Variants in TTN observed in about 807,000 individuals in gnomAD.
TTN encodes the protein titin.
TTN carries 1,525 observed loss-of-function variants against 3,223.0 expected under a neutral mutation model. The observed-to-expected ratio is 0.47, with a 90% CI of 0.45 to 0.49. The LOEUF (loss-of-function observed/expected upper bound fraction) is 0.49, where lower values mean the gene tolerates loss of function less well. Ranked by LOEUF, TTN falls within the 20% of genes least tolerant of loss-of-function variation. The probability of loss-of-function intolerance (pLI) is 0.00; values close to 1 mark genes in which losing one functional copy is unlikely to be tolerated. For synonymous variants in TTN, 14,094 were observed against 15,161.0 expected (o/e 0.93, Z 5.17); for missense variants, 40,786 against 43,424.0 (o/e 0.94, Z 5.40).
At position 178,568,410 on chromosome 2, in the gene TTN, T is replaced by C; in HGVS notation, c.77722A>G (p.Ile25908Val). Residue 25908 changes from isoleucine to valine, a missense_variant, in exon 326 of 363, where the codon ATT (isoleucine) becomes GTT (valine). Transcript: ENST00000589042. ...AATGGAGGGTTCCAAGATAATGTAA[T>C]ACTTTCAGCACTGACGTCATCAAAT... Reference protein sequence around the residue: ...VKFDDVSAESITLSWNPPLYT... With the variant: ...VKFDDVSAESVTLSWNPPLYT... The C allele has an allele frequency of 6.2e-7, 1 of 1,613,230 alleles. No individual in the cohort carries two copies. Among genetic ancestry groups the C allele is most frequent in the Middle Eastern group, 1.6e-4 (1 of 6,062 alleles).
At chr2:178,584,053 T>G in intron 311 of TTN, 147 bp from the exon 312 acceptor site, 1 of 1,074,724 alleles carries the variant, frequency 9.3e-7, no homozygotes, top group South Asian at 1.9e-5. Context: ...TAGTATGCAC[T>G]TTTGAGTCCT....
intron 288 of TTN, 69 bp from the exon 289 acceptor site, chr2:178,599,919 T>C: frequency 6.9e-7 from 1 of 1,440,844 alleles, no homozygotes; most frequent in Admixed American, 2.5e-5. Flanking sequence ...GAATTCACAG[T>C]TACTATAAAG....
Position 178,670,274 on chromosome 2 carries a change from A to G in TTN, c.35330T>C (p.Ile11777Thr), listed in dbSNP as rs1393138345. Reference protein sequence around the residue: ...PAKVPEVPKKIVVEEKVRVPE... With the variant: ...PAKVPEVPKKTVVEEKVRVPE... ...AACACGTACTTTTTCTTCTACCACAATTTTCTTAGGCACCTCCGGTACTTT... is the reference window on the plus strand; with the variant it reads ...AACACGTACTTTTTCTTCTACCACAGTTTTCTTAGGCACCTCCGGTACTTT... Residue 11777 changes from isoleucine to threonine, a missense_variant, in exon 157 of 363, where the codon ATT becomes ACT. Ile to Thr is a moderately conservative substitution (Grantham distance 89, BLOSUM62 -1). Coordinates refer to ENST00000589042, the MANE Select transcript of TTN (RefSeq NM_001267550.2). 1.2e-5 allele frequency: 18 copies of G among 1,490,970 alleles called. No individual in the cohort carries two copies. Among genetic ancestry groups the G allele is most frequent in the South Asian group, 1.5e-5 (1 of 64,798 alleles). The allele number at this position is 1,490,970 out of a possible 1,614,324, so 92.4% of individuals were successfully genotyped here.
Position 178,537,230 on chromosome 2 carries a change from T to C in TTN, c.99879A>G (p.Lys33293=), listed in dbSNP as rs769465083. 1 of 1,597,016 alleles carries C rather than the reference T, an allele frequency of 6.3e-7. No homozygotes were observed. The highest frequency in any genetic ancestry group is 8.6e-7 in the Non-Finnish European group (1 of 1,169,120). ...LDVEIQDKPD[K]PTGPIVIEAL... ...CTTCGATCACAATTGGTCCTGTAGG[T>C]TTGTCTGGTTTATCTGTTGGGGGAA... Residue 33293 remains lysine (K), a synonymous_variant, in exon 356 of 363, where the codon AAA becomes AAG. Coordinates refer to ENST00000589042, the MANE Select transcript of TTN (RefSeq NM_001267550.2).
At chr2:178,712,670 T>C in intron 94 of TTN, 27 bp downstream of exon 94, 1 of 1,608,330 alleles carries the variant, frequency 6.2e-7, no homozygotes, top group East Asian at 2.2e-5. Context: ...ACTAATCGTA[T>C]AAATCTAGAA....
In TTN at chr2:178,565,544, T is replaced by C. The variant is rs1340374023; in HGVS notation, c.80588A>G (p.Asp26863Gly). The C allele has an allele frequency of 1.2e-6, 2 of 1,613,466 alleles. No homozygotes were observed. The highest frequency in any genetic ancestry group is 2.7e-5 in the African/African-American group (2 of 74,896). Residue 26863 changes from aspartate (D) to glycine (G), a missense_variant, in exon 326 of 363, where the codon GAT (aspartate) becomes GGT (glycine). Transcript: ENST00000589042. ...VKAYNEKGKS[D>G]PRVLGVPVIA... The stretch of plus-strand genomic sequence containing the variant: ...GACAGGAACACCCAACACTCTTGGA[T>C]CGCTTTTTCCTTTCTCATTATAAGC...
chr2:178,580,273 A>G, intron 317 of TTN, 44 bp from the exon 318 acceptor site: 1 of 1,605,534 alleles, frequency 6.2e-7, no homozygotes. Flanking sequence ...TGTAAAAAAT[A>G]CATAAGCTAT....
rs780979988 is a variant in TTN at position 178,713,075 on chromosome 2, G to T, written c.27049+10C>A. On this transcript the variant is annotated intron_variant, in intron 93 of 362. Transcript: ENST00000589042. ...GAAATGCAATTCATTTTACTGTTTT[G>T]TAAACTGACCTCTCACAGTCAAAGG... The T allele has an allele frequency of 1.4e-5, 22 of 1,610,772 alleles. No homozygotes were observed. The Admixed American group carries it at 3.7e-4, about 27-fold the overall frequency.
chr2:178,738,940 T>G (rs2154317238), intron 48 of TTN, among the ~76,000 whole-genome samples: 1 of 152,278 alleles, frequency 6.6e-6, no homozygotes, highest in African/African-American at 2.4e-5. Context: ...AATAGTACCA[T>G]GGATATGATA....
intron 73 of TTN, 23 bp downstream of exon 73, chr2:178,723,833 T>C: frequency 1.9e-6 from 3 of 1,574,154 alleles, no homozygotes; most frequent in Non-Finnish European, 1.7e-6. Context: ...AGAAATTCCT[T>C]ACAAGTTTGA....
intron 20 of TTN, 80 bp from the exon 21 acceptor site, chr2:178,781,343 T>C (rs1400032676): frequency 2.0e-6 from 3 of 1,496,232 alleles, no homozygotes; most frequent in Non-Finnish European, 2.8e-6. Flanking sequence ...TATCTGTGAG[T>C]GGATCTGTGG....
rs2079466481 is a variant in TTN, at chr2:178,727,075, G to A, written c.20275+15C>T. On this transcript the variant is annotated intron_variant, in intron 69 of 362. Coordinates refer to ENST00000589042, the MANE Select transcript of TTN (RefSeq NM_001267550.2). ...GGTTTTCATTTAATGAGAAACACAA[G>A]AACAAGATGTCTACCTTTTACTATA... The A allele has an allele frequency of 1.4e-6, 2 of 1,449,188 alleles. No homozygotes were observed. The highest frequency in any genetic ancestry group is 1.8e-6 in the Non-Finnish European group (2 of 1,094,628). 89.8% of individuals were successfully genotyped at this position (1,449,188 alleles called of 1,614,324 possible).
At chr2:178,637,573 T>A (rs1170718299) in intron 223 of TTN, among the ~76,000 whole-genome samples, 154 bp from the exon 224 acceptor site, 1 of 152,016 alleles carries the variant, frequency 6.6e-6, no homozygotes, top group African/African-American at 2.4e-5. Context: ...TAATCACATT[T>A]CCAGGAAGGC....
intron 219 of TTN, among the ~76,000 whole-genome samples, chr2:178,641,667 GA>G (rs1218681541): frequency 4.0e-5 from 6 of 151,816 alleles, no homozygotes; most frequent in African/African-American, 1.4e-4. Flanking sequence ...TAAATAAGTA[GA>G]AAGTTTACTT....
In TTN at chr2:178,570,945, C is replaced by G. The variant is rs1707970781; in HGVS notation, c.75187G>C (p.Asp25063His). The change falls in exon 326 of 363, where the codon GAC becomes CAC. Residue 25063 changes from aspartate to histidine, a missense_variant. Asp to His is a moderately conservative substitution (Grantham distance 81). Transcript: ENST00000589042. ...WMKASFTNII[D>H]THFEVTGLVE... ...AGGCCAGTTACTTCAAAATGAGTGTCAATAATATTTGTAAAACTGGCTTTC... is the reference window on the plus strand; with the variant it reads ...AGGCCAGTTACTTCAAAATGAGTGTGAATAATATTTGTAAAACTGGCTTTC... 6.2e-7 allele frequency: 1 copy of G among 1,613,558 alleles called. No individual in the cohort carries two copies. Among genetic ancestry groups the G allele is most frequent in the Non-Finnish European group, 8.5e-7 (1 of 1,179,626 alleles).
intron 111 of TTN, 135 bp from the exon 112 acceptor site, chr2:178,699,049 A>G: frequency 1.1e-6 from 1 of 942,934 alleles, no homozygotes; most frequent in Non-Finnish European, 1.5e-6. Context: ...TCTGCATATT[A>G]CTACAAGATA....
rs1353459978 is a variant in TTN at position 178,699,878 on chromosome 2, C to T, written c.30683-964G>A. On this transcript the variant is annotated intron_variant, in intron 111 of 362. Transcript: ENST00000589042. ...GAGTAGCTGGGACTACAGGTGCCCA[C>T]CACCACGCCCGGCTAATTTTTTGTA... Among the ~76,000 whole-genome samples the T allele has an allele frequency of 4.0e-5, 6 of 151,002 alleles. No homozygotes were observed. The South Asian group carries it at 6.3e-4, about 16-fold the overall frequency.
intron 6 of TTN, among the ~76,000 whole-genome samples, chr2:178,797,267 A>T (rs992993050): frequency 6.6e-6 from 1 of 152,070 alleles, no homozygotes; most frequent in East Asian, 1.9e-4. Context: ...ACTGCTAGAC[A>T]TGTTTTTTAA....
chr2:178,717,250 T>A lies in TTN; in HGVS notation c.25484A>T (p.Glu8495Val), dbSNP rs747674081. 2.5e-6 allele frequency: 4 copies of A among 1,613,740 alleles called. No homozygotes were observed. The East Asian group carries it at 8.9e-5, about 36-fold the overall frequency. The change falls in exon 88 of 363, where the codon GAG becomes GTG. Residue 8495 changes from glutamate to valine, a missense_variant. Glu to Val is a moderately radical substitution (Grantham distance 121). Transcript: ENST00000589042. ...CTTGTAGTTGCCTCCAGGGCGAATC[T>A]CTCGGTTATCTTTGGCCCAAGTGAT... ...IKITWAKDNR[E>V]IRPGGNYKMT...
Sources: gnomAD v4.1 joint callset for allele counts (sites outside exome capture counted in the v4.1 genomes callset) on GRCh38, gnomAD v4.1.1 for gene constraint, MANE v1.5 for transcripts, NCBI Gene and HGNC (gene_info 2026-07-23, HGNC 2026-07-21) for gene names.